Variants in AUTS2 observed in about 807,000 individuals in gnomAD.
AUTS2 encodes activator of transcription and developmental regulator AUTS2, also known as autism susceptibility gene 2 protein.
AUTS2 carries 17 observed loss-of-function variants against 112.4 expected under a neutral mutation model. The observed-to-expected ratio is 0.15, with a 90% CI of 0.10 to 0.23. The LOEUF (loss-of-function observed/expected upper bound fraction) is 0.23, where lower values mean the gene tolerates loss of function less well. AUTS2 is among the 10% of genes least tolerant of loss of function. The pLI is 1.00. For synonymous variants in AUTS2, 751 were observed against 702.7 expected (o/e 1.07, Z -1.09); for missense variants, 1,510 against 1,701.6 (o/e 0.89, Z 1.98).
chr7:70,129,439 C>T (rs1056849984), intron 3 of AUTS2, among the ~76,000 whole-genome samples: 3 of 152,172 alleles, frequency 2.0e-5, no homozygotes, highest in Non-Finnish European at 4.4e-5. Context: ...AAAACATCAT[C>T]ACAGAAACAC....
chr7:70,003,627 T>G lies in AUTS2; in HGVS notation c.522+104129T>G, dbSNP rs1193692673. ...TATATGAATGTGTTATATATGAGTA[T>G]CTATAATATATATGAATGTGTTATA... On this transcript the variant is annotated intron_variant, in intron 2 of 18. Transcript: ENST00000342771. Among the ~76,000 whole-genome samples the G allele has an allele frequency of 1.7e-5, 2 of 118,050 alleles. 1 individual carries two copies. The highest frequency in any genetic ancestry group is 3.2e-5 in the Non-Finnish European group (2 of 62,956). 77.4% of individuals were successfully genotyped at this position (118,050 alleles called of 152,430 possible).
chr7:70,142,170 G>T (rs1205163812), intron 4 of AUTS2, among the ~76,000 whole-genome samples: 1 of 152,186 alleles, frequency 6.6e-6, no homozygotes, highest in African/African-American at 2.4e-5. Flanking sequence ...GGAAAACTTA[G>T]GTGCTACTGA....
At chr7:70,046,416 A>G (rs1801507071) in intron 2 of AUTS2, among the ~76,000 whole-genome samples, 1 of 152,216 alleles carries the variant, frequency 6.6e-6, no homozygotes, top group Admixed American at 6.5e-5. Context: ...CATAAGTACT[A>G]TGTAAGTGCT....
chr7:70,272,126 A>G (rs981985260), intron 4 of AUTS2, among the ~76,000 whole-genome samples: 1 of 152,146 alleles, frequency 6.6e-6, no homozygotes, highest in African/African-American at 2.4e-5. Context: ...TTCCTCAGAT[A>G]TGACAAGTCT....
At chr7:69,806,861 T>C (rs1173551051) in intron 1 of AUTS2, among the ~76,000 whole-genome samples, 1 of 152,210 alleles carries the variant, frequency 6.6e-6, no homozygotes, top group African/African-American at 2.4e-5. Context: ...ATGGATGAGC[T>C]TTTTCCAGGA....
intron 5 of AUTS2, among the ~76,000 whole-genome samples, chr7:70,662,238 T>A (rs1807115456): frequency 1.3e-5 from 2 of 152,214 alleles, no homozygotes; most frequent in African/African-American, 4.8e-5. Flanking sequence ...TTGGGCAGCT[T>A]GATGCTGGGG....
At position 70,134,593 on chromosome 7, in the gene AUTS2, CAT is replaced by C. The variant is rs3217094; in HGVS notation, c.660+25_660+26del. On this transcript the variant is annotated intron_variant, in intron 4 of 18. Transcript: ENST00000342771. ...CTTCGTAAGTCTATCTCAACTTCCACATATGTGCCTTGCATTGGCATTGATTT... is the reference window on the plus strand; with the variant it reads ...CTTCGTAAGTCTATCTCAACTTCCACATGTGCCTTGCATTGGCATTGATTT... 7.0e-3 allele frequency: 11,233 copies of C among 1,611,088 alleles called. 513 individuals carry two copies. In the East Asian group the frequency reaches 0.13, roughly 18 times the overall value.
chr7:70,349,960 T>C (rs1183989767), intron 4 of AUTS2, among the ~76,000 whole-genome samples: 1 of 152,192 alleles, frequency 6.6e-6, no homozygotes, highest in Non-Finnish European at 1.5e-5. Flanking sequence ...GGGACAGTGT[T>C]GGAACACCCT....
chr7:70,218,722 C>T (rs1175533139), intron 4 of AUTS2, among the ~76,000 whole-genome samples: 1 of 152,180 alleles, frequency 6.6e-6, no homozygotes. Context: ...TACAACATGG[C>T]ACCTACTTTC....
At chr7:70,135,548 C>T (rs995693800) in intron 4 of AUTS2, among the ~76,000 whole-genome samples, 3 of 152,130 alleles carry the variant, frequency 2.0e-5, no homozygotes, top group African/African-American at 7.2e-5. Context: ...CTTCTGCCCA[C>T]GTATTTCTCT....
intron 5 of AUTS2, among the ~76,000 whole-genome samples, chr7:70,562,664 A>G (rs1026569248): frequency 1.3e-5 from 2 of 152,168 alleles, no homozygotes; most frequent in African/African-American, 4.8e-5. Context: ...TGTCCAGAGT[A>G]CCCAGGATAA....
At chr7:70,040,854 A>G (rs1481760609) in intron 2 of AUTS2, among the ~76,000 whole-genome samples, 1 of 152,180 alleles carries the variant, frequency 6.6e-6, no homozygotes, top group African/African-American at 2.4e-5. Context: ...CAGCTGTTAA[A>G]TGTCTGTGTC....
chr7:69,945,331 A>G (rs1400111189), intron 2 of AUTS2, among the ~76,000 whole-genome samples: 1 of 152,142 alleles, frequency 6.6e-6, no homozygotes, highest in Non-Finnish European at 1.5e-5. Context: ...TGTTTTGGAC[A>G]TTTCATATAA....
chr7:70,549,927 A>G (rs1249598582), intron 5 of AUTS2, among the ~76,000 whole-genome samples: 2 of 152,180 alleles, frequency 1.3e-5, no homozygotes, highest in Non-Finnish European at 2.9e-5. Flanking sequence ...TATTGTTTTA[A>G]AAAGCATTGG....
At chr7:70,612,662 CTAACAAATACCAAGTTTGGCAATG>C (rs1804155654) in intron 5 of AUTS2, among the ~76,000 whole-genome samples, 1 of 152,048 alleles carries the variant, frequency 6.6e-6, no homozygotes, top group African/African-American at 2.4e-5. Flanking sequence ...TTCAAGGAGA[CTAACAAATACCAAGTTTGGCAATG>C]TATCCACCCT....
intron 4 of AUTS2, among the ~76,000 whole-genome samples, chr7:70,285,676 A>C (rs979181152): frequency 6.6e-6 from 1 of 152,214 alleles, no homozygotes; most frequent in African/African-American, 2.4e-5. Context: ...TGGGTCATAC[A>C]TTGACATTTA....
chr7:70,575,017 C>T (rs62455825), intron 5 of AUTS2, among the ~76,000 whole-genome samples: 21,868 of 152,158 alleles, frequency 0.14, 1,853 homozygotes, highest in Non-Finnish European at 0.18. Flanking sequence ...AGGCCCCTGC[C>T]GCTTTAAGTG....
chr7:69,872,044 A>G (rs979996965), intron 1 of AUTS2, among the ~76,000 whole-genome samples: 1 of 152,208 alleles, frequency 6.6e-6, no homozygotes, highest in Non-Finnish European at 1.5e-5. Context: ...ACTCATGGAC[A>G]TGTTCCACTG....
At chr7:69,861,206 C>A (rs895034978) in intron 1 of AUTS2, among the ~76,000 whole-genome samples, 2 of 152,146 alleles carry the variant, frequency 1.3e-5, no homozygotes, top group East Asian at 3.8e-4. Context: ...CCCCTTACCC[C>A]CTTCAGAAGG....
Sources: allele counts gnomAD v4.1 joint callset (sites outside exome capture counted in the v4.1 genomes callset), GRCh38; gene constraint gnomAD v4.1.1; transcripts MANE v1.5; gene names NCBI Gene and HGNC (gene_info 2026-07-23, HGNC 2026-07-21).